Variants in TBC1D15 observed in about 807,000 individuals in gnomAD.
The protein encoded by TBC1D15 is GAP for RAB7.
In TBC1D15, 39 loss-of-function variants were observed where a neutral mutation model predicts 95.4. The ratio of observed to expected loss-of-function variants is 0.41; its 90% CI spans 0.32 to 0.53. TBC1D15 has a LOEUF of 0.53. Ranked by LOEUF, TBC1D15 falls within the 20% of genes least tolerant of loss-of-function variation. The pLI is 0.29. For missense variants in TBC1D15, 733 were observed against 794.3 expected, an observed-to-expected ratio of 0.92 and a Z score of 0.93; for synonymous variants, 258 against 261.3, an observed-to-expected ratio of 0.99 and a Z score of 0.12.
At chr12:71,894,084 A>G (rs1461760411) in intron 6 of TBC1D15, among the ~76,000 whole-genome samples, 1 of 152,054 alleles carries the variant, frequency 6.6e-6, no homozygotes, top group Non-Finnish European at 1.5e-5. Context: ...AATATGAATG[A>G]GCAAATAGTT....
chr12:71,902,958 G>T (rs549272127), intron 10 of TBC1D15, among the ~76,000 whole-genome samples: 1 of 152,334 alleles, frequency 6.6e-6, no homozygotes, highest in African/African-American at 2.4e-5. Flanking sequence ...TGTTGCCCAG[G>T]CTGGAGTGCA....
intron 12 of TBC1D15, among the ~76,000 whole-genome samples, chr12:71,915,075 A>G (rs1374639132): frequency 6.6e-6 from 1 of 151,888 alleles, no homozygotes; most frequent in Non-Finnish European, 1.5e-5. Flanking sequence ...TTTTTTGACT[A>G]TTTGGAAGGA....
rs896798775 is a variant in TBC1D15 at position 71,861,062 on chromosome 12, A to G, written c.31-11008A>G. Among the ~76,000 whole-genome samples, 29 of 152,090 alleles carry G rather than the reference A, an allele frequency of 1.9e-4. 1 individual carries two copies. Among genetic ancestry groups the G allele is most frequent in the Admixed American group, 1.7e-3 (26 of 15,274 alleles). On this transcript the variant is annotated intron_variant, in intron 1 of 16. Transcript: ENST00000485960. ...TGCATCCTGGGATAAATTGTGTTTG[A>G]TCATGGTCAGTGATCTTTTTAATGT... is the stretch of plus-strand genomic sequence containing the variant.
At chr12:71,852,440 C>T (rs1674990326) in intron 1 of TBC1D15, among the ~76,000 whole-genome samples, 1 of 152,252 alleles carries the variant, frequency 6.6e-6, no homozygotes, top group African/African-American at 2.4e-5. Context: ...ATGCAAATTT[C>T]TGCGGTGAGT....
intron 3 of TBC1D15, among the ~76,000 whole-genome samples, chr12:71,878,840 A>AC (rs1337990866): frequency 6.6e-6 from 1 of 151,918 alleles, no homozygotes; most frequent in Non-Finnish European, 1.5e-5. Flanking sequence ...AAAAAAAAAA[A>AC]AACTAGTCAA....
intron 9 of TBC1D15, 99 bp downstream of exon 9, chr12:71,896,879 G>T: frequency 1.3e-6 from 1 of 770,612 alleles, no homozygotes; most frequent in East Asian, 3.1e-5. Flanking sequence ...AATAGACTGG[G>T]GAATGGAAAA....
chr12:71,862,830 T>C (rs566940279), intron 1 of TBC1D15, among the ~76,000 whole-genome samples: 1 of 152,338 alleles, frequency 6.6e-6, no homozygotes, highest in East Asian at 1.9e-4. Context: ...TTTTATACTT[T>C]TGTATGTTTT....
At chr12:71,899,599 C>T (rs1898906477) in intron 10 of TBC1D15, among the ~76,000 whole-genome samples, 1 of 152,148 alleles carries the variant, frequency 6.6e-6, no homozygotes, top group African/African-American at 2.4e-5. Context: ...AGCTTTAGGT[C>T]TTGCATACAT....
intron 4 of TBC1D15, among the ~76,000 whole-genome samples, chr12:71,882,350 A>G (rs545718112): frequency 1.3e-5 from 2 of 152,284 alleles, no homozygotes; most frequent in African/African-American, 4.8e-5. Flanking sequence ...TTTGTTCTAG[A>G]GATCCATCCA....
chr12:71,899,990 A>G (rs139936991), intron 10 of TBC1D15, among the ~76,000 whole-genome samples: 309 of 152,196 alleles, frequency 2.0e-3, no homozygotes, highest in African/African-American at 7.1e-3. Flanking sequence ...AAGTAGGTGG[A>G]TTCAAGTTAT....
intron 3 of TBC1D15, among the ~76,000 whole-genome samples, chr12:71,876,185 CAG>C (rs1167514370): frequency 6.6e-6 from 1 of 152,140 alleles, no homozygotes; most frequent in African/African-American, 2.4e-5. Flanking sequence ...TTATGGAAAA[CAG>C]AGGTATCTCA....
chr12:71,855,754 G>A (rs1304708505), intron 1 of TBC1D15, among the ~76,000 whole-genome samples: 4 of 149,622 alleles, frequency 2.7e-5, no homozygotes, highest in Non-Finnish European at 4.4e-5. Flanking sequence ...CTAAGAAACA[G>A]TTATCCTAAC....
At position 71,924,072 on chromosome 12, in the gene TBC1D15, G is replaced by A. The variant is rs1252023812; in HGVS notation, c.*868G>A. 1.3e-5 allele frequency: 2 copies of A among 152,430 alleles called. No homozygotes were observed. The highest frequency in any genetic ancestry group is 2.4e-5 in the African/African-American group (1 of 41,382). 9.4% of individuals were successfully genotyped at this position (152,430 alleles called of 1,614,324 possible). On this transcript the variant is annotated 3_prime_UTR_variant, in exon 17 of 17. Transcript: ENST00000485960. ...AATGTTTATTATCTTTCCTAATAATGCATTAACTGATTAATCAGGTGTTTA... is the reference window on the plus strand; with the variant it reads ...AATGTTTATTATCTTTCCTAATAATACATTAACTGATTAATCAGGTGTTTA...
chr12:71,851,307 T>C, intron 1 of TBC1D15, among the ~76,000 whole-genome samples: 1 of 151,136 alleles, frequency 6.6e-6, no homozygotes, highest in Non-Finnish European at 1.5e-5. Flanking sequence ...CACTATTACC[T>C]CCCCCCAGGC....
At chr12:71,894,395 T>C (rs1262923805) in intron 6 of TBC1D15, 1 of 1,612,014 alleles carries the variant, frequency 6.2e-7, no homozygotes, top group Admixed American at 1.7e-5. Context: ...GCGTATGTTT[T>C]CTGATGTATG....
chr12:71,900,879 G>A (rs887869289), intron 10 of TBC1D15, among the ~76,000 whole-genome samples: 4 of 152,118 alleles, frequency 2.6e-5, no homozygotes, highest in Non-Finnish European at 4.4e-5. Context: ...GAAAAAGGGA[G>A]GGGGTTCTCT....
In TBC1D15 at chr12:71,897,706, G is replaced by GTT. The variant is rs1455123185; in HGVS notation, c.1089-138_1089-137dup. The stretch of plus-strand genomic sequence containing the variant: ...TCACTTATTTATCATAACTTTAAAC[G>GTT]TTTTGCTATTGTTTTTATAAACTTA... On this transcript the variant is annotated intron_variant, in intron 9 of 16. Coordinates refer to ENST00000485960, the MANE Select transcript of TBC1D15 (RefSeq NM_001146213.3). 3 of 551,192 alleles carry GTT rather than the reference G, an allele frequency of 5.4e-6. No individual in the cohort carries two copies. The East Asian group carries it at 9.7e-5, about 18-fold the overall frequency. 34.1% of individuals were successfully genotyped at this position (551,192 alleles called of 1,614,324 possible). A position where few individuals can be genotyped will look rare whatever the true frequency, so the allele number is the denominator to read the frequency against.
chr12:71,882,207 T>A (rs1895334647), intron 4 of TBC1D15, among the ~76,000 whole-genome samples: 1 of 152,126 alleles, frequency 6.6e-6, no homozygotes, highest in South Asian at 2.1e-4. Context: ...TCAGACTTAT[T>A]TAATTATATT....
chr12:71,894,944 A>G, intron 7 of TBC1D15, 61 bp downstream of exon 7: 2 of 1,482,526 alleles, frequency 1.3e-6, no homozygotes, highest in Non-Finnish European at 1.8e-6. Context: ...TGTACTATAG[A>G]AATAGAAACT....
Sources: gnomAD v4.1 joint callset for allele counts (sites outside exome capture counted in the v4.1 genomes callset) on GRCh38, gnomAD v4.1.1 for gene constraint, MANE v1.5 for transcripts, NCBI Gene and HGNC (gene_info 2026-07-23, HGNC 2026-07-21) for gene names.